SLCO3A1: variants seen among roughly 807,000 people sequenced by gnomAD.
SLCO3A1 encodes solute carrier organic anion transporter family member 3A1.
In SLCO3A1, 27 loss-of-function variants were observed where a neutral mutation model predicts 63.1. The ratio of observed to expected loss-of-function variants is 0.43; its 90% CI spans 0.32 to 0.59. SLCO3A1 has a LOEUF of 0.59. SLCO3A1 is among the 20% of genes least tolerant of loss of function. The probability of loss-of-function intolerance (pLI) is 0.09; values close to 1 mark genes in which losing one functional copy is unlikely to be tolerated. For synonymous variants in SLCO3A1, 473 were observed against 409.9 expected, an observed-to-expected ratio of 1.15 and a Z score of -1.86; for missense variants, 773 against 945.8, an observed-to-expected ratio of 0.82 and a Z score of 2.40.
At chr15:92,030,310 A>G (rs1320225612) in intron 2 of SLCO3A1, among the ~76,000 whole-genome samples, 1 of 152,214 alleles carries the variant, frequency 6.6e-6, no homozygotes, top group Non-Finnish European at 1.5e-5. Flanking sequence ...AAAGAACTTT[A>G]CAAAATAACA....
chr15:91,975,440 G>A (rs1901065128), intron 2 of SLCO3A1, among the ~76,000 whole-genome samples: 6 of 152,194 alleles, frequency 3.9e-5, no homozygotes, highest in Admixed American at 3.9e-4. Flanking sequence ...GCGGACAGAA[G>A]TTACAGGAGG....
intron 7 of SLCO3A1, among the ~76,000 whole-genome samples, chr15:92,136,789 T>G (rs1303444255): frequency 6.6e-6 from 1 of 152,210 alleles, no homozygotes; most frequent in South Asian, 2.1e-4. Context: ...CTTGGTTTCT[T>G]GTACATCCTT....
In SLCO3A1 at chr15:92,016,254, T is replaced by TAGATAGATTAGATAGATAGATAGATAGA; in HGVS notation, c.647-78627_647-78626insAGATAGATTAGATAGATAGATAGATAGA. On this transcript the variant is annotated intron_variant, in intron 2 of 9. Transcript: ENST00000318445. ...ATAGATAGATAGATAGATAGATAGA[T>TAGATAGATTAGATAGATAGATAGATAGA]TAGATAGATAGATAGATAGATAGAT... Among the ~76,000 whole-genome samples the TAGATAGATTAGATAGATAGATAGATAGA allele has an allele frequency of 1.6e-3, 149 of 95,562 alleles. 1 individual carries two copies. The highest frequency in any genetic ancestry group is 9.5e-3 in the East Asian group (20 of 2,112). 62.7% of individuals were successfully genotyped at this position (95,562 alleles called of 152,430 possible).
At chr15:91,953,661 T>G (rs1900074004) in intron 2 of SLCO3A1, among the ~76,000 whole-genome samples, 1 of 152,204 alleles carries the variant, frequency 6.6e-6, no homozygotes, top group East Asian at 1.9e-4. Context: ...AAAGTGAGGT[T>G]GGCAGTGGGA....
intron 2 of SLCO3A1, among the ~76,000 whole-genome samples, chr15:92,067,691 T>C (rs1438307167): frequency 6.6e-6 from 1 of 152,238 alleles, no homozygotes; most frequent in Non-Finnish European, 1.5e-5. Context: ...GAAGCGTCAG[T>C]GCAGACTACT....
intron 2 of SLCO3A1, among the ~76,000 whole-genome samples, chr15:92,043,924 CT>C (rs1280122714): frequency 1.3e-5 from 2 of 152,194 alleles, no homozygotes; most frequent in East Asian, 1.9e-4. Context: ...TCCATCCCCC[CT>C]GGGAGCCTGC....
chr15:91,975,432 G>C (rs567018333), intron 2 of SLCO3A1, among the ~76,000 whole-genome samples: 1 of 152,170 alleles, frequency 6.6e-6, no homozygotes, highest in South Asian at 2.1e-4. Context: ...TGCATTAAGC[G>C]GACAGAAGTT....
downstream of SLCO3A1, among the ~76,000 whole-genome samples, chr15:92,170,394 C>T (rs1192497026): frequency 5.3e-5 from 8 of 152,332 alleles, no homozygotes; most frequent in Admixed American, 2.6e-4. Context: ...CTGCTCCCAG[C>T]AGCCTTCTCA....
chr15:92,052,937 A>C (rs2151498698), intron 2 of SLCO3A1, among the ~76,000 whole-genome samples: 1 of 152,288 alleles, frequency 6.6e-6, no homozygotes, highest in African/African-American at 2.4e-5. Context: ...TGTGGCTACT[A>C]GAAAAATTTA....
chr15:92,021,182 G>A (rs1307340374), intron 2 of SLCO3A1, among the ~76,000 whole-genome samples: 1 of 152,176 alleles, frequency 6.6e-6, no homozygotes, highest in Non-Finnish European at 1.5e-5. Context: ...GGGTGGCCCA[G>A]ACTTAGTATG....
intron 4 of SLCO3A1, among the ~76,000 whole-genome samples, chr15:92,119,901 G>A (rs2047841685): frequency 1.3e-5 from 2 of 152,222 alleles, no homozygotes; most frequent in Admixed American, 1.3e-4. Flanking sequence ...AGGTAGCCAT[G>A]AAGATGGCAA....
intron 2 of SLCO3A1, among the ~76,000 whole-genome samples, chr15:92,041,023 TC>T (rs1484892169): frequency 6.6e-6 from 1 of 152,138 alleles, no homozygotes; most frequent in Non-Finnish European, 1.5e-5. Flanking sequence ...CCTCAGACTT[TC>T]TGCCTCCTTC....
intron 2 of SLCO3A1, among the ~76,000 whole-genome samples, chr15:92,060,984 A>C (rs959641492): frequency 6.6e-6 from 1 of 152,212 alleles, no homozygotes; most frequent in Non-Finnish European, 1.5e-5. Flanking sequence ...TTCGAGGTTC[A>C]TCATTGACTG....
chr15:91,914,899 T>G (rs1182202692), intron 1 of SLCO3A1, among the ~76,000 whole-genome samples: 1 of 152,108 alleles, frequency 6.6e-6, no homozygotes, highest in Non-Finnish European at 1.5e-5. Context: ...CATGATGAAA[T>G]CATGCCACCT....
intron 2 of SLCO3A1, among the ~76,000 whole-genome samples, chr15:91,959,867 C>T (rs533901348): frequency 3.1e-4 from 47 of 152,208 alleles, no homozygotes; most frequent in African/African-American, 1.0e-3. Flanking sequence ...TACTCACTAG[C>T]AATCACTTTC....
chr15:92,140,010 C>A (rs1328098071), intron 7 of SLCO3A1, among the ~76,000 whole-genome samples: 1 of 134,906 alleles, frequency 7.4e-6, no homozygotes, highest in African/African-American at 3.1e-5. Flanking sequence ...TATTTCTTGC[C>A]TTCTGCTAGC....
At chr15:92,002,457 G>C (rs2046266914) in intron 2 of SLCO3A1, among the ~76,000 whole-genome samples, 1 of 152,166 alleles carries the variant, frequency 6.6e-6, no homozygotes, top group Non-Finnish European at 1.5e-5. Flanking sequence ...TAAGGCCCAG[G>C]TGATGAAAAC....
chr15:91,868,354 C>CTTTTT (rs72068160), intron 1 of SLCO3A1, among the ~76,000 whole-genome samples: 2 of 104,890 alleles, frequency 1.9e-5, no homozygotes, highest in African/African-American at 3.6e-5. Context: ...ACCCAGCCGG[C>CTTTTT]TTTTTTTTTT....
rs576192724 is a variant in SLCO3A1, at chr15:92,112,220, A to T, written c.1009+7678A>T. Among the ~76,000 whole-genome samples, 13 of 152,334 alleles carry T rather than the reference A, an allele frequency of 8.5e-5. No individual in the cohort carries two copies. The South Asian group carries it at 2.7e-3, about 32-fold the overall frequency. ...CAGAGACACATGGACAGGAATGCCC[A>T]AGACACTGTTGGGAGCTAGACGTCT... On this transcript the variant is annotated intron_variant, in intron 4 of 9. Coordinates refer to ENST00000318445, the MANE Select transcript of SLCO3A1 (RefSeq NM_013272.4).
Sources: allele counts gnomAD v4.1 joint callset (sites outside exome capture counted in the v4.1 genomes callset), GRCh38; gene constraint gnomAD v4.1.1; transcripts MANE v1.5; gene names NCBI Gene and HGNC (gene_info 2026-07-23, HGNC 2026-07-21).